Variants in ELK3 observed in about 807,000 individuals in gnomAD.
ELK3 encodes the protein ETS transcription factor ELK3, also known as ETS domain-containing protein Elk-3.
ELK3 carries 10 observed loss-of-function variants against 28.9 expected under a neutral mutation model. The observed-to-expected ratio is 0.35, with a 90% CI of 0.21 to 0.59. The LOEUF (loss-of-function observed/expected upper bound fraction) is 0.59, where lower values mean the gene tolerates loss of function less well. Among genes scored for constraint, ELK3 ranks in the 20% least tolerant of loss-of-function variants. ELK3 has a pLI of 0.82. For missense variants in ELK3, 463 were observed against 517.3 expected (o/e 0.90, Z 1.02); for synonymous variants, 272 against 243.5 (o/e 1.12, Z -1.09).
chr12:96,212,018 T>G (rs1951582414), intron 1 of ELK3, among the ~76,000 whole-genome samples: 1 of 152,250 alleles, frequency 6.6e-6, no homozygotes, highest in Non-Finnish European at 1.5e-5. Flanking sequence ...ACAAAAATTC[T>G]GAGTTTTCTT....
chr12:96,212,290 G>A (rs990190376), intron 1 of ELK3, among the ~76,000 whole-genome samples: 1 of 152,154 alleles, frequency 6.6e-6, no homozygotes, highest in South Asian at 2.1e-4. Context: ...AACAACACAG[G>A]CAACAAAAAC....
chr12:96,201,642 G>A (rs1219435104), intron 1 of ELK3, among the ~76,000 whole-genome samples: 1 of 149,556 alleles, frequency 6.7e-6, no homozygotes, highest in Non-Finnish European at 1.5e-5. Flanking sequence ...TCCCTTTCAA[G>A]TCGGAAGCCC....
At chr12:96,251,561 TATGTAA>T (rs1325660925) in intron 3 of ELK3, among the ~76,000 whole-genome samples, 1 of 151,776 alleles carries the variant, frequency 6.6e-6, no homozygotes, top group African/African-American at 2.4e-5. Context: ...ACCAGTTAAG[TATGTAA>T]ATGTAAAGGA....
At chr12:96,250,693 T>C (rs969823151) in intron 3 of ELK3, among the ~76,000 whole-genome samples, 6 of 152,178 alleles carry the variant, frequency 3.9e-5, no homozygotes, top group Non-Finnish European at 5.9e-5. Context: ...CCTGAGCACT[T>C]TGTCACAGAA....
chr12:96,239,697 G>C (rs1275448940), intron 2 of ELK3, among the ~76,000 whole-genome samples: 1 of 152,200 alleles, frequency 6.6e-6, no homozygotes, highest in Non-Finnish European at 1.5e-5. Flanking sequence ...TCCTGCCTCG[G>C]GTCTTGCTGA....
chr12:96,265,671 C>A (rs4762146), intron 4 of ELK3, among the ~76,000 whole-genome samples: 121,640 of 152,148 alleles, frequency 0.8, 48,789 homozygotes, highest in Admixed American at 0.83. Flanking sequence ...AGAGCCAGAC[C>A]CTATCTCTAA....
intron 1 of ELK3, among the ~76,000 whole-genome samples, chr12:96,202,788 A>G (rs1744678669): frequency 6.6e-6 from 1 of 151,832 alleles, no homozygotes; most frequent in Admixed American, 6.6e-5. Context: ...CGGCCTCCCA[A>G]AGTGCTGGGA....
At chr12:96,224,851 T>C (rs1261215457) in intron 2 of ELK3, among the ~76,000 whole-genome samples, 2 of 152,358 alleles carry the variant, frequency 1.3e-5, no homozygotes, top group Non-Finnish European at 2.9e-5. Context: ...ATTTAAATAT[T>C]AGTTCCTGAT....
At chr12:96,219,429 A>G (rs547131146) in intron 1 of ELK3, among the ~76,000 whole-genome samples, 1 of 152,334 alleles carries the variant, frequency 6.6e-6, no homozygotes, top group African/African-American at 2.4e-5. Context: ...TGTGTTTTCC[A>G]ACACCCCAGA....
rs749119127 is a variant in ELK3, at chr12:96,269,404, ATTCT to A, written c.*2231_*2234del. 140 of 152,320 alleles carry A rather than the reference ATTCT, an allele frequency of 9.2e-4. No homozygotes were observed. Among genetic ancestry groups the A allele is most frequent in the African/African-American group, 2.8e-3 (118 of 41,568 alleles). The allele number at this position is 152,320 out of a possible 1,614,324, so 9.4% of individuals were successfully genotyped here. On this transcript the variant is annotated 3_prime_UTR_variant, in exon 5 of 5. Coordinates refer to ENST00000228741, the MANE Select transcript of ELK3 (RefSeq NM_005230.4). ...AAATATTTAAATGACTATAGATCTGATTCTTTCTTTTCCTTTGGAAACTGGGATT... is the reference window on the plus strand; with the variant it reads ...AAATATTTAAATGACTATAGATCTGATTCTTTTCCTTTGGAAACTGGGATT...
At chr12:96,233,856 G>T (rs1157367140) in intron 2 of ELK3, among the ~76,000 whole-genome samples, 1 of 152,250 alleles carries the variant, frequency 6.6e-6, no homozygotes, top group African/African-American at 2.4e-5. Flanking sequence ...GGCCCTCTGT[G>T]CCCGGCCCTG....
At chr12:96,248,239 A>G (rs976584260) in intron 3 of ELK3, among the ~76,000 whole-genome samples, 2 of 152,134 alleles carry the variant, frequency 1.3e-5, no homozygotes, top group African/African-American at 2.4e-5. Context: ...CAAAGGGGCC[A>G]CCCCAAACAG....
At chr12:96,216,733 C>A (rs1206379474) in intron 1 of ELK3, among the ~76,000 whole-genome samples, 4 of 152,194 alleles carry the variant, frequency 2.6e-5, no homozygotes, top group Non-Finnish European at 5.9e-5. Context: ...TTATTAGTAA[C>A]TTCTGTAACT....
At chr12:96,208,468 T>C (rs1215099707) in intron 1 of ELK3, among the ~76,000 whole-genome samples, 2 of 152,320 alleles carry the variant, frequency 1.3e-5, no homozygotes, top group Middle Eastern at 3.4e-3. Context: ...GAGCATGCAA[T>C]GGCGTCTCTC....
rs1215538119 is a variant in ELK3, at chr12:96,267,494, T to G, written c.*314T>G. On this transcript the variant is annotated 3_prime_UTR_variant, in exon 5 of 5. Transcript: ENST00000228741. ...TGGTTTTCAGTATAACTAATAAGGA[T>G]GTGAAGCTTTTTTCTCTTTAGTTCT... is the stretch of plus-strand genomic sequence containing the variant. 3 of 219,032 alleles carry G rather than the reference T, an allele frequency of 1.4e-5. No individual in the cohort carries two copies. The highest frequency in any genetic ancestry group is 2.8e-5 in the Non-Finnish European group (3 of 108,562). The allele number at this position is 219,032 out of a possible 1,614,324, so 13.6% of individuals were successfully genotyped here. A position where few individuals can be genotyped will look rare whatever the true frequency, so the allele number is the denominator to read the frequency against.
Position 96,214,362 on chromosome 12 carries a change from C to T in ELK3, c.-2-9203C>T, listed in dbSNP as rs143453315. On this transcript the variant is annotated intron_variant, in intron 1 of 4. Coordinates refer to ENST00000228741, the MANE Select transcript of ELK3 (RefSeq NM_005230.4). ...ACGAGAATCACTTGAACCTGGGAGG[C>T]GGAGCTTGCAGTGAACCGAGATCAC... Among the ~76,000 whole-genome samples, 484 of 150,202 alleles carry T rather than the reference C, an allele frequency of 3.2e-3. 3 individuals are homozygous for T. Among genetic ancestry groups the T allele is most frequent in the African/African-American group, 0.011 (466 of 40,770 alleles).
intron 2 of ELK3, among the ~76,000 whole-genome samples, chr12:96,228,189 G>A (rs1392443656): frequency 6.6e-6 from 1 of 152,008 alleles, no homozygotes; most frequent in African/African-American, 2.4e-5. Context: ...GGAGGCCAAG[G>A]TGGGTGGATC....
chr12:96,214,138 A>G (rs1005045388), intron 1 of ELK3, among the ~76,000 whole-genome samples: 6 of 152,122 alleles, frequency 3.9e-5, no homozygotes, highest in Non-Finnish European at 8.8e-5. Flanking sequence ...TTTAAAAAAC[A>G]TTGCAGACTG....
Position 96,237,371 on chromosome 12 carries a change from G to T in ELK3, c.208-9569G>T, listed in dbSNP as rs186229842. On this transcript the variant is annotated intron_variant, in intron 2 of 4. Coordinates refer to ENST00000228741, the MANE Select transcript of ELK3 (RefSeq NM_005230.4). ...GGATCGTTTGAGCCCGTGAGTCCAG[G>T]ATCATAAGATGCTCTTTAGTGGGGG... Among the ~76,000 whole-genome samples the T allele has an allele frequency of 2.6e-5, 4 of 152,254 alleles. No individual in the cohort carries two copies. The East Asian group carries it at 7.7e-4, about 29-fold the overall frequency.
Sources: gnomAD v4.1 joint callset for allele counts (sites outside exome capture counted in the v4.1 genomes callset) on GRCh38, gnomAD v4.1.1 for gene constraint, MANE v1.5 for transcripts, NCBI Gene and HGNC (gene_info 2026-07-23, HGNC 2026-07-21) for gene names.